The following TRIP12 variants were observed in gnomAD, a reference collection of about 807,000 sequenced individuals.
TRIP12 encodes the protein E3 ubiquitin-protein ligase TRIP12.
TRIP12 carries 25 observed loss-of-function variants against 244.2 expected under a neutral mutation model. The observed-to-expected ratio is 0.10, with a 90% CI of 0.07 to 0.14. The LOEUF (loss-of-function observed/expected upper bound fraction) is 0.14, where lower values mean the gene tolerates loss of function less well. Ranked by LOEUF, TRIP12 falls within the 10% of genes least tolerant of loss-of-function variation. The pLI is 1.00. For synonymous variants in TRIP12, 905 were observed against 873.1 expected (o/e 1.04, Z -0.64); for missense variants, 1,677 against 2,486.4 (o/e 0.67, Z 6.92).
At chr2:229,878,443 TAAAAAAAAAA>T (rs779143943) in intron 2 of TRIP12, among the ~76,000 whole-genome samples, 2 of 133,352 alleles carry the variant, frequency 1.5e-5, no homozygotes, top group Non-Finnish European at 3.3e-5. Context: ...GCAACTGTTT[TAAAAAAAAAA>T]AAAAAGAAAA....
In TRIP12 at chr2:229,811,210, T is replaced by A. The variant is rs1460057048; in HGVS notation, c.1987-6A>T. On this transcript the variant is annotated splice_polypyrimidine_tract_variant and splice_region_variant and intron_variant, in intron 13 of 41. Coordinates refer to ENST00000675903, the MANE Select transcript of TRIP12 (RefSeq NM_001348323.3). Reference sequence around the variant, plus strand: ...CTTTCTACTGACTTTTTATCCTATTTTTTTAATAAAGGAAAATAAAATTTA... The same window carrying A: ...CTTTCTACTGACTTTTTATCCTATTATTTTAATAAAGGAAAATAAAATTTA... 6.2e-7 allele frequency: 1 copy of A among 1,611,652 alleles called. No homozygotes were observed. The highest frequency in any genetic ancestry group is 1.1e-5 in the South Asian group (1 of 90,644).
At chr2:229,882,021 C>A (rs2154355200) in intron 1 of TRIP12, among the ~76,000 whole-genome samples, 1 of 152,250 alleles carries the variant, frequency 6.6e-6, no homozygotes, top group South Asian at 2.1e-4. Flanking sequence ...TGTCTCTGCC[C>A]AAGTTCAATT....
intron 2 of TRIP12, among the ~76,000 whole-genome samples, chr2:229,870,719 C>G (rs2062407623): frequency 6.6e-6 from 1 of 152,152 alleles, no homozygotes; most frequent in Non-Finnish European, 1.5e-5. Flanking sequence ...AAGTTTTAGT[C>G]TCTGAAATCA....
intron 5 of TRIP12, among the ~76,000 whole-genome samples, chr2:229,837,566 G>A (rs1287603222): frequency 2.0e-5 from 3 of 152,002 alleles, no homozygotes; most frequent in Admixed American, 6.6e-5. Flanking sequence ...CCCGGGAGGC[G>A]GAGGTTGCAG....
chr2:229,877,387 G>A lies in TRIP12; in HGVS notation c.98+2595C>T, dbSNP rs376696851. On this transcript the variant is annotated intron_variant, in intron 2 of 41. Transcript: ENST00000675903. ...TCTACTAAAAACACAAAAATTAGCC[G>A]GGCAAGGTGGCAGGCGCCTGTAATC... Among the ~76,000 whole-genome samples, 19 of 152,114 alleles carry A rather than the reference G, an allele frequency of 1.2e-4. No homozygotes were observed. In the East Asian group the frequency reaches 1.9e-3, roughly 16 times the overall value.
intron 8 of TRIP12, among the ~76,000 whole-genome samples, chr2:229,828,969 A>T (rs2052534072): frequency 6.6e-6 from 1 of 152,206 alleles, no homozygotes; most frequent in Admixed American, 6.5e-5. Flanking sequence ...TAATTGTTTG[A>T]GATTCTTTAT....
chr2:229,874,049 T>G (rs1226589420), intron 2 of TRIP12, among the ~76,000 whole-genome samples: 1 of 141,202 alleles, frequency 7.1e-6, no homozygotes, highest in Non-Finnish European at 1.6e-5. Flanking sequence ...AAATAAACCA[T>G]AAAAAAAAAA....
At chr2:229,773,903 AT>A (rs1401209984) in intron 38 of TRIP12, 193 bp downstream of exon 38, 2 of 457,446 alleles carry the variant, frequency 4.4e-6, no homozygotes, top group Admixed American at 3.8e-5. Flanking sequence ...TCAAGGTTAT[AT>A]AAGACAGGAA....
chr2:229,848,337 A>G (rs1385798763), intron 4 of TRIP12, among the ~76,000 whole-genome samples: 1 of 22,248 alleles, frequency 4.5e-5, no homozygotes, highest in Non-Finnish European at 8.6e-5. Flanking sequence ...CCCCCCCCAC[A>G]CACACAAATA....
intron 1 of TRIP12, among the ~76,000 whole-genome samples, chr2:229,916,741 A>T (rs2075462935): frequency 6.6e-6 from 1 of 152,214 alleles, no homozygotes. Flanking sequence ...ATGACTGAAC[A>T]GACTTATTTC....
At chr2:229,901,026 C>T (rs1287115671) in intron 1 of TRIP12, among the ~76,000 whole-genome samples, 1 of 151,136 alleles carries the variant, frequency 6.6e-6, no homozygotes, top group African/African-American at 2.4e-5. Context: ...CTCCGTCTCC[C>T]GGGCTCAAGC....
At chr2:229,837,612 C>T (rs2055176828) in intron 5 of TRIP12, among the ~76,000 whole-genome samples, 2 of 152,026 alleles carry the variant, frequency 1.3e-5, no homozygotes, top group African/African-American at 4.8e-5. Context: ...CCATCTTGGG[C>T]GGCAGCAACA....
At chr2:229,787,392 A>T in intron 33 of TRIP12, 113 bp downstream of exon 33, 1 of 1,106,262 alleles carries the variant, frequency 9.0e-7, no homozygotes, top group Non-Finnish European at 1.3e-6. Flanking sequence ...GGGCTAGCTG[A>T]ATATGACCAA....
intron 1 of TRIP12, among the ~76,000 whole-genome samples, chr2:229,904,416 C>A (rs1420867615): frequency 7.4e-3 from 647 of 87,446 alleles, no homozygotes; most frequent in East Asian, 8.5e-3. Context: ...ACTCCATCTC[C>A]AAAAAAAAAA....
chr2:229,912,936 G>A (rs549536355), intron 1 of TRIP12, among the ~76,000 whole-genome samples: 2 of 152,150 alleles, frequency 1.3e-5, no homozygotes, highest in East Asian at 1.9e-4. Context: ...GTGGCATGAC[G>A]CACTGCAGCC....
chr2:229,771,706 C>T (rs1007549008), intron 38 of TRIP12, 74 bp from the exon 39 acceptor site: 37 of 1,023,692 alleles, frequency 3.6e-5, no homozygotes, highest in Non-Finnish European at 2.1e-5. Flanking sequence ...TGGCAAAGTA[C>T]AGTGAAACAC....
intron 37 of TRIP12, among the ~76,000 whole-genome samples, chr2:229,775,238 T>C (rs13026349): frequency 0.011 from 1,729 of 152,296 alleles, 24 homozygotes; most frequent in Non-Finnish European, 0.013. Flanking sequence ...TGGCAGATTA[T>C]TGAAAGTAAA....
intron 1 of TRIP12, among the ~76,000 whole-genome samples, chr2:229,880,923 AAC>A (rs2064725740): frequency 6.6e-6 from 1 of 152,208 alleles, no homozygotes; most frequent in South Asian, 2.1e-4. Context: ...CAGCCTGGGC[AAC>A]AGAGTGAGAC....
At chr2:229,892,881 A>C (rs1049920229) in intron 1 of TRIP12, among the ~76,000 whole-genome samples, 15 of 152,120 alleles carry the variant, frequency 9.9e-5, no homozygotes, top group Non-Finnish European at 2.2e-4. Context: ...AATAAAAATA[A>C]AAAATAAAAA....
Sources: gnomAD v4.1 joint callset for allele counts (sites outside exome capture counted in the v4.1 genomes callset) on GRCh38, gnomAD v4.1.1 for gene constraint, MANE v1.5 for transcripts, NCBI Gene and HGNC (gene_info 2026-07-23, HGNC 2026-07-21) for gene names.